The following CCDC146 variants were observed in gnomAD, a reference collection of about 807,000 sequenced individuals.
CCDC146 encodes the protein coiled-coil domain-containing protein 146.
In CCDC146, 92 loss-of-function variants were observed where a neutral mutation model predicts 119.3. That is an observed-to-expected ratio of 0.77 (90% CI 0.65 to 0.92). The LOEUF (loss-of-function observed/expected upper bound fraction) is 0.92. Ranked by LOEUF, CCDC146 falls within the 40% of genes least tolerant of loss-of-function variation. The pLI is 0.00. For synonymous variants in CCDC146, 372 were observed against 371.8 expected (o/e 1.00, Z -0.01); for missense variants, 1,000 against 1,103.0 (o/e 0.91, Z 1.32).
chr7:77,183,019 G>C (rs1011925398), intron 2 of CCDC146, among the ~76,000 whole-genome samples: 5 of 152,066 alleles, frequency 3.3e-5, no homozygotes, highest in African/African-American at 9.7e-5. Flanking sequence ...CAGCCTAAAG[G>C]AAACAGAAAG....
At chr7:77,287,200 T>A (rs1793863449) in intron 16 of CCDC146, 6 of 596,550 alleles carry the variant, frequency 1.0e-5, no homozygotes, top group Non-Finnish European at 1.5e-5. Context: ...TTAATTTGTC[T>A]TCCTGATGGG....
At chr7:77,203,620 A>G (rs901232991) in intron 2 of CCDC146, among the ~76,000 whole-genome samples, 3 of 152,118 alleles carry the variant, frequency 2.0e-5, no homozygotes, top group African/African-American at 7.2e-5. Flanking sequence ...AGGAGTTCCC[A>G]CCTCATGACT....
chr7:77,159,737 C>A (rs541186288), intron 1 of CCDC146, among the ~76,000 whole-genome samples: 114 of 152,254 alleles, frequency 7.5e-4, no homozygotes, highest in African/African-American at 2.7e-3. Context: ...ACCAACTTAC[C>A]TTCCCACTAA....
At position 77,233,416 on chromosome 7, in the gene CCDC146, GAATTCATCA is replaced by G. The variant is rs1389743043; in HGVS notation, c.157-3528_157-3520del. On this transcript the variant is annotated intron_variant, in intron 2 of 18. Transcript: ENST00000285871. ...CAAATCAATGTTTCTTTGAAGGAGA[GAATTCATCA>G]AACTCTTCATCCCACCATTTTGGAA... 2.6e-5 allele frequency among the ~76,000 whole-genome samples: 4 copies of G among 152,166 alleles called. No individual in the cohort carries two copies. The South Asian group carries it at 8.3e-4, about 32-fold the overall frequency.
chr7:77,149,893 T>G (rs1173770407), intron 1 of CCDC146, among the ~76,000 whole-genome samples: 1 of 152,152 alleles, frequency 6.6e-6, no homozygotes, highest in African/African-American at 2.4e-5. Flanking sequence ...AGTACCAAAA[T>G]AGACCTACAT....
In CCDC146 at chr7:77,167,821, T is replaced by A; in HGVS notation, c.153T>A (p.His51Gln). ...AAACTCCAGCTTTCATTTTTCTGCA[T>A]GAGGTATATTTTTCTTTATATGTTA... ...LSETPAFIFL[H>Q]ELHAMGKLPG... Residue 51 changes from histidine (H) to glutamine (Q), a missense_variant, in exon 2 of 19, where the codon CAT becomes CAA. This residue lies in a region of CCDC146 where 985 missense variants were observed against 1,045.3 expected (regional missense o/e 0.94). Transcript: ENST00000285871. 1 of 1,611,418 alleles carries A rather than the reference T, an allele frequency of 6.2e-7. No homozygotes were observed. The highest frequency in any genetic ancestry group is 1.1e-5 in the South Asian group (1 of 90,402).
chr7:77,291,853 G>A (rs1584153082), intron 17 of CCDC146, among the ~76,000 whole-genome samples: 1 of 152,220 alleles, frequency 6.6e-6, no homozygotes, highest in Non-Finnish European at 1.5e-5. Flanking sequence ...ACATGTCAAT[G>A]TGATGGTTTT....
At chr7:77,154,629 A>G (rs985134940) in intron 1 of CCDC146, among the ~76,000 whole-genome samples, 3 of 152,064 alleles carry the variant, frequency 2.0e-5, no homozygotes, top group Non-Finnish European at 4.4e-5. Flanking sequence ...TACAAAGGAC[A>G]TGAACTCATC....
At chr7:77,193,078 AC>A (rs1247084966) in intron 2 of CCDC146, among the ~76,000 whole-genome samples, 1 of 151,950 alleles carries the variant, frequency 6.6e-6, no homozygotes, top group Non-Finnish European at 1.5e-5. Flanking sequence ...AGAGGTACAG[AC>A]TATTCAGATG....
chr7:77,209,646 G>T (rs1209943320), intron 2 of CCDC146, among the ~76,000 whole-genome samples: 1 of 152,208 alleles, frequency 6.6e-6, no homozygotes, highest in African/African-American at 2.4e-5. Context: ...TGCCATAGTA[G>T]AGGTTCTCCA....
chr7:77,165,143 CT>C (rs1247657805), intron 1 of CCDC146, among the ~76,000 whole-genome samples: 6 of 152,076 alleles, frequency 3.9e-5, no homozygotes, highest in African/African-American at 1.4e-4. Flanking sequence ...CAATGGAGCC[CT>C]TGCTGACTAA....
chr7:77,199,680 G>A, intron 2 of CCDC146: 1 of 1,614,188 alleles, frequency 6.2e-7, no homozygotes. Flanking sequence ...TCACTGGGCA[G>A]ACATCCTTTG....
intron 6 of CCDC146, among the ~76,000 whole-genome samples, chr7:77,258,652 G>A (rs1793227533): frequency 6.6e-6 from 1 of 152,264 alleles, no homozygotes; most frequent in East Asian, 1.9e-4. Context: ...CAGTAGGTTA[G>A]GTGTATTAAA....
chr7:77,164,754 A>G (rs921709488), intron 1 of CCDC146, among the ~76,000 whole-genome samples: 13 of 152,228 alleles, frequency 8.5e-5, no homozygotes, highest in African/African-American at 3.1e-4. Context: ...TTTAATGAAT[A>G]AATGATATGT....
intron 2 of CCDC146, among the ~76,000 whole-genome samples, chr7:77,193,073 TAC>T (rs111307877): frequency 0.097 from 14,831 of 152,140 alleles, 2,305 homozygotes; most frequent in African/African-American, 0.33. Context: ...AAACCAGAGG[TAC>T]AGACTATTCA....
intron 2 of CCDC146, among the ~76,000 whole-genome samples, chr7:77,222,437 C>T (rs184332772): frequency 7.5e-4 from 114 of 152,302 alleles, no homozygotes; most frequent in African/African-American, 2.5e-3. Flanking sequence ...TGGGGAGCAC[C>T]TCTGTCCCCA....
At chr7:77,151,376 G>C (rs535840069) in intron 1 of CCDC146, among the ~76,000 whole-genome samples, 1 of 152,158 alleles carries the variant, frequency 6.6e-6, no homozygotes, top group Non-Finnish European at 1.5e-5. Context: ...ATGTGCCAGT[G>C]AGCGAGGGGA....
intron 2 of CCDC146, among the ~76,000 whole-genome samples, chr7:77,236,634 A>C (rs181010305): frequency 7.7e-4 from 117 of 152,380 alleles, no homozygotes; most frequent in Non-Finnish European, 1.3e-3. Context: ...TACACTATTC[A>C]GATTGTTTGT....
intron 2 of CCDC146, among the ~76,000 whole-genome samples, chr7:77,212,477 C>T (rs1294182624): frequency 2.6e-5 from 4 of 151,646 alleles, no homozygotes; most frequent in East Asian, 3.9e-4. Context: ...AAAAAACAGC[C>T]GAGTGTGGTG....
Sources: allele counts gnomAD v4.1 joint callset (sites outside exome capture counted in the v4.1 genomes callset), GRCh38; gene constraint gnomAD v4.1.1; regional missense constraint gnomAD v4.1.1; transcripts MANE v1.5; gene names NCBI Gene and HGNC (gene_info 2026-07-23, HGNC 2026-07-21).